The following ARHGEF3 variants were observed in gnomAD, a reference collection of about 807,000 sequenced individuals.
ARHGEF3 encodes 59.8 kDA protein.
In ARHGEF3, 28 loss-of-function variants were observed where a neutral mutation model predicts 63.2. The observed-to-expected ratio is 0.44, with a 90% CI of 0.33 to 0.61. The LOEUF (loss-of-function observed/expected upper bound fraction) is 0.61. Ranked by LOEUF, ARHGEF3 falls within the 20% of genes least tolerant of loss-of-function variation. The pLI is 0.03. For missense variants in ARHGEF3, 533 were observed against 659.3 expected (o/e 0.81, Z 2.10); for synonymous variants, 266 against 254.2 (o/e 1.05, Z -0.44).
chr3:56,886,510 C>T (rs190045076), intron 3 of ARHGEF3, among the ~76,000 whole-genome samples: 3 of 152,306 alleles, frequency 2.0e-5, no homozygotes, highest in Middle Eastern at 3.4e-3. Flanking sequence ...TGCCAGTGAT[C>T]TACAGAGTAG....
chr3:56,969,109 T>C (rs1277799639), intron 2 of ARHGEF3, among the ~76,000 whole-genome samples: 1 of 152,084 alleles, frequency 6.6e-6, no homozygotes, highest in African/African-American at 2.4e-5. Flanking sequence ...CATCTGTAAA[T>C]ACCAAATCAT....
chr3:56,897,255 T>C (rs1287336844), intron 3 of ARHGEF3, among the ~76,000 whole-genome samples: 1 of 152,226 alleles, frequency 6.6e-6, no homozygotes, highest in African/African-American at 2.4e-5. Flanking sequence ...ACCTGGTGCC[T>C]GTGTCCAGCT....
intron 7 of ARHGEF3, among the ~76,000 whole-genome samples, chr3:56,743,736 A>G (rs1391448455): frequency 6.6e-6 from 1 of 152,078 alleles, no homozygotes; most frequent in African/African-American, 2.4e-5. Flanking sequence ...CAAATTACCT[A>G]TGCATATCCT....
intron 3 of ARHGEF3, among the ~76,000 whole-genome samples, chr3:56,930,997 G>GA (rs1246780447): frequency 6.6e-6 from 1 of 151,946 alleles, no homozygotes; most frequent in African/African-American, 2.4e-5. Flanking sequence ...TTTAAAAGAA[G>GA]AAAAAAATGA....
At chr3:56,968,061 A>AT (rs1553794203) in intron 2 of ARHGEF3, among the ~76,000 whole-genome samples, 5 of 12,806 alleles carry the variant, frequency 3.9e-4, no homozygotes, top group Non-Finnish European at 7.9e-4. Flanking sequence ...TAATATATAT[A>AT]ATATATATAA....
chr3:56,873,139 C>T (rs1337835836), intron 4 of ARHGEF3, among the ~76,000 whole-genome samples: 2 of 151,966 alleles, frequency 1.3e-5, no homozygotes, highest in Non-Finnish European at 2.9e-5. Flanking sequence ...GCTAGGACTA[C>T]AGGTGCATGC....
chr3:56,757,246 G>A (rs2035130967), intron 2 of ARHGEF3, among the ~76,000 whole-genome samples: 1 of 152,206 alleles, frequency 6.6e-6, no homozygotes, highest in Non-Finnish European at 1.5e-5. Context: ...GCCGAGGTGG[G>A]TGGGTCACCT....
intron 2 of ARHGEF3, among the ~76,000 whole-genome samples, chr3:56,966,849 A>ATT (rs1560090827): frequency 2.7e-5 from 4 of 146,076 alleles, no homozygotes; most frequent in African/African-American, 5.0e-5. Context: ...TTTTTTTTTT[A>ATT]ATTATTATTA....
At position 56,946,801 on chromosome 3, in the gene ARHGEF3, G is replaced by A. The variant is rs554945505; in HGVS notation, c.129+12022C>T. ...ATGTCACAAAGATACTCCTCGAGAAGAGCAACTCCAAGACACATAATTGTA... is the reference window on the plus strand; with the variant it reads ...ATGTCACAAAGATACTCCTCGAGAAAAGCAACTCCAAGACACATAATTGTA... On this transcript the variant is annotated intron_variant, in intron 3 of 12. Coordinates refer to the ARHGEF3 transcript ENST00000338458. 7.2e-5 allele frequency among the ~76,000 whole-genome samples: 11 copies of A among 152,202 alleles called. No individual in the cohort carries two copies. The South Asian group carries it at 2.3e-3, about 32-fold the overall frequency.
At chr3:56,800,173 ACTGGTTAGAGTC>A (rs2037569857) in intron 1 of ARHGEF3, among the ~76,000 whole-genome samples, 1 of 152,222 alleles carries the variant, frequency 6.6e-6, no homozygotes, top group South Asian at 2.1e-4. Context: ...GTAGGAAGGG[ACTGGTTAGAGTC>A]CTCAGCTATC....
intron 3 of ARHGEF3, among the ~76,000 whole-genome samples, chr3:56,894,742 T>C (rs923708252): frequency 3.3e-5 from 5 of 152,152 alleles, no homozygotes; most frequent in African/African-American, 1.2e-4. Context: ...GTATGCTGGG[T>C]TAGGCCTTAG....
intron 2 of ARHGEF3, among the ~76,000 whole-genome samples, chr3:56,772,188 G>A (rs1274986720): frequency 6.6e-6 from 1 of 152,134 alleles, no homozygotes; most frequent in Admixed American, 6.5e-5. Context: ...AGCTAATTAC[G>A]TGAGGTATTC....
intron 1 of ARHGEF3, among the ~76,000 whole-genome samples, chr3:56,776,123 C>T (rs916630232): frequency 6.6e-6 from 1 of 152,122 alleles, no homozygotes; most frequent in African/African-American, 2.4e-5. Flanking sequence ...CTTGACAGGA[C>T]GGGGGATGAT....
At chr3:56,891,929 G>T (rs1175870222) in intron 3 of ARHGEF3, among the ~76,000 whole-genome samples, 1 of 152,164 alleles carries the variant, frequency 6.6e-6, no homozygotes. Flanking sequence ...CCTATTATAT[G>T]ATCTTAGCCA....
intron 2 of ARHGEF3, among the ~76,000 whole-genome samples, chr3:56,974,627 G>C (rs1191141354): frequency 1.3e-5 from 2 of 152,168 alleles, no homozygotes; most frequent in Non-Finnish European, 2.9e-5. Flanking sequence ...GTGTCCAGAA[G>C]TTGCTTTTAA....
intron 2 of ARHGEF3, among the ~76,000 whole-genome samples, chr3:57,005,496 G>C (rs1702432417): frequency 6.6e-6 from 1 of 152,172 alleles, no homozygotes; most frequent in African/African-American, 2.4e-5. Context: ...TTGCCAATGA[G>C]AACTGGATTT....
intron 4 of ARHGEF3, among the ~76,000 whole-genome samples, chr3:56,861,835 T>C (rs1237848895): frequency 6.6e-6 from 1 of 150,392 alleles, no homozygotes; most frequent in East Asian, 2.0e-4. Flanking sequence ...TTCTCTCTTC[T>C]AAAAGTGAAT....
intron 3 of ARHGEF3, among the ~76,000 whole-genome samples, chr3:56,887,080 T>C (rs2040949020): frequency 6.6e-6 from 1 of 151,964 alleles, no homozygotes; most frequent in Non-Finnish European, 1.5e-5. Flanking sequence ...AATTTTGTGG[T>C]CCTTTCTAGT....
rs886331936 is a variant in ARHGEF3, at chr3:56,962,060, A to C, written c.63-3171T>G. On this transcript the variant is annotated intron_variant, in intron 2 of 12. Coordinates refer to the ARHGEF3 transcript ENST00000338458. Reference sequence around the variant, plus strand: ...ACCCTGTCTCTAAAAATAATAACAAATGTTTGAAAATTATATCCTGATACC... The same window carrying C: ...ACCCTGTCTCTAAAAATAATAACAACTGTTTGAAAATTATATCCTGATACC... Among the ~76,000 whole-genome samples, 4 of 152,082 alleles carry C rather than the reference A, an allele frequency of 2.6e-5. No individual in the cohort carries two copies. The South Asian group carries it at 8.3e-4, about 32-fold the overall frequency.
Sources: gnomAD v4.1 joint callset for allele counts (sites outside exome capture counted in the v4.1 genomes callset) on GRCh38, gnomAD v4.1.1 for gene constraint, MANE v1.5 for transcripts, NCBI Gene and HGNC (gene_info 2026-07-23, HGNC 2026-07-21) for gene names.